Variants in GAN observed in about 807,000 individuals in gnomAD.
GAN encodes the protein gigaxonin.
GAN carries 48 observed loss-of-function variants against 71.3 expected under a neutral mutation model. The ratio of observed to expected loss-of-function variants is 0.67; its 90% CI spans 0.53 to 0.86. The LOEUF (loss-of-function observed/expected upper bound fraction) is 0.86. Among genes scored for constraint, GAN ranks in the 40% least tolerant of loss-of-function variants. GAN has a pLI of 0.00. For synonymous variants in GAN, 386 were observed against 276.8 expected (o/e 1.39, Z -3.92); for missense variants, 928 against 770.1 (o/e 1.21, Z -2.43).
rs1409156764 is a variant in GAN, at chr16:81,389,295, C to T, written c.*11699C>T. 6.6e-6 allele frequency: 1 copy of T among 152,116 alleles called. No individual in the cohort carries two copies. Among genetic ancestry groups the T allele is most frequent in the Non-Finnish European group, 1.5e-5 (1 of 68,016 alleles). 9.4% of individuals were successfully genotyped at this position (152,116 alleles called of 1,614,324 possible). A position where few individuals can be genotyped will look rare whatever the true frequency, so the allele number is the denominator to read the frequency against. On this transcript the variant is annotated 3_prime_UTR_variant, in exon 11 of 11. Coordinates refer to ENST00000648994, the MANE Select transcript of GAN (RefSeq NM_022041.4). ...TGTGTTTGGTTCCTCGGTCTTGTAC[C>T]CCTTCAGTTCGCCGGCGACGTAATG...
chr16:81,372,136 G>A (rs1327457470), intron 9 of GAN: 1 of 152,086 alleles, frequency 6.6e-6, no homozygotes, highest in East Asian at 1.9e-4. Context: ...TGTAATCCAT[G>A]CTGTATTTTA....
At chr16:81,376,546 T>C (rs116275460) in intron 9 of GAN, among the ~76,000 whole-genome samples, 7,849 of 149,518 alleles carry the variant, frequency 0.052, 417 homozygotes, top group African/African-American at 0.13. Flanking sequence ...TATATGTATA[T>C]ACACACATAT....
chr16:81,346,487 T>C (rs533764629), intron 1 of GAN, among the ~76,000 whole-genome samples: 1 of 152,280 alleles, frequency 6.6e-6, no homozygotes, highest in East Asian at 1.9e-4. Context: ...AGATCAGTGG[T>C]GGCATTAGAT....
At chr16:81,335,822 T>A (rs1461751161) in intron 1 of GAN, among the ~76,000 whole-genome samples, 1 of 150,316 alleles carries the variant, frequency 6.7e-6, no homozygotes, top group Non-Finnish European at 1.5e-5. Flanking sequence ...GTTTTTTTGG[T>A]GAGTAAAAAC....
intron 1 of GAN, among the ~76,000 whole-genome samples, chr16:81,349,537 G>C (rs1348799095): frequency 6.6e-6 from 1 of 152,112 alleles, no homozygotes; most frequent in Non-Finnish European, 1.5e-5. Flanking sequence ...CCGGCTACTT[G>C]GGGGGCTGAG....
At chr16:81,337,600 C>T (rs376403185) in intron 1 of GAN, among the ~76,000 whole-genome samples, 1 of 152,178 alleles carries the variant, frequency 6.6e-6, no homozygotes, top group Non-Finnish European at 1.5e-5. Flanking sequence ...GGGGACTATA[C>T]GTACCCAGTG....
chr16:81,322,128 G>C (rs1317628360), intron 1 of GAN, among the ~76,000 whole-genome samples: 3 of 152,126 alleles, frequency 2.0e-5, no homozygotes, highest in Non-Finnish European at 4.4e-5. Flanking sequence ...TTTCTCTCTG[G>C]GAATGTGAAT....
Position 81,363,890 on chromosome 16 carries a change from G to A in GAN, c.1183G>A (p.Asp395Asn), listed in dbSNP as rs142456623. The change falls in exon 7 of 11, where the codon GAT becomes AAT. Residue 395 changes from aspartate (D) to asparagine (N), a missense_variant. Asp to Asn is a conservative substitution (Grantham distance 23, BLOSUM62 1). Coordinates refer to ENST00000648994, the MANE Select transcript of GAN (RefSeq NM_022041.4). ...GGAGCTGATTTCCATGGAGTGTTAC[G>A]ATATTTATTCTAAAACCTGGACAAA... ...EKELISMECY[D>N]IYSKTWTKQP... The A allele has an allele frequency of 1.4e-5, 23 of 1,612,670 alleles. No homozygotes were observed. The African/African-American group carries it at 2.9e-4, about 21-fold the overall frequency.
At chr16:81,367,961 C>G (rs757528237) in intron 9 of GAN, among the ~76,000 whole-genome samples, 7 of 152,144 alleles carry the variant, frequency 4.6e-5, no homozygotes, top group Non-Finnish European at 8.8e-5. Context: ...AGATCAGACG[C>G]AAATGTGTTA....
Position 81,377,289 on chromosome 16 carries a change from A to T in GAN, c.1573A>T (p.Ile525Leu), listed in dbSNP as rs760392457. The change falls in exon 10 of 11, where the codon ATA becomes TTA. Residue 525 changes from isoleucine to leucine, a missense_variant. By Grantham distance (5) the Ile-to-Leu change is conservative. Transcript: ENST00000648994. ...SSSFVYGAVPIGASIYVIGDL... is the reference protein window; with the variant it reads ...SSSFVYGAVPLGASIYVIGDL... The stretch of plus-strand genomic sequence containing the variant: ...CTCTTTTGTTTATGGAGCTGTACCT[A>T]TAGGAGCCAGTATTTATGTTATTGG... 2 of 1,610,142 alleles carry T rather than the reference A, an allele frequency of 1.2e-6. No homozygotes were observed. The highest frequency in any genetic ancestry group is 1.7e-5 in the Admixed American group (1 of 60,014).
At position 81,379,613 on chromosome 16, in the gene GAN, A is replaced by G. The variant is rs1427488520; in HGVS notation, c.*2017A>G. 2 of 152,200 alleles carry G rather than the reference A, an allele frequency of 1.3e-5. No homozygotes were observed. Among genetic ancestry groups the G allele is most frequent in the African/African-American group, 2.4e-5 (1 of 41,460 alleles). The allele number at this position is 152,200 out of a possible 1,614,324, so 9.4% of individuals were successfully genotyped here. A position where few individuals can be genotyped will look rare whatever the true frequency, so the allele number is the denominator to read the frequency against. ...GGAAGATTTTTCTTTTTACAACTAG[A>G]TATTAGTTTTAGAGGAAGGAAATAG... On this transcript the variant is annotated 3_prime_UTR_variant, in exon 11 of 11. Coordinates refer to ENST00000648994, the MANE Select transcript of GAN (RefSeq NM_022041.4).
chr16:81,351,135 G>A (rs539896077), intron 1 of GAN, among the ~76,000 whole-genome samples: 1 of 152,350 alleles, frequency 6.6e-6, no homozygotes, highest in South Asian at 2.1e-4. Flanking sequence ...ACTTCAGATG[G>A]TGGAAGCAGA....
At position 81,381,093 on chromosome 16, in the gene GAN, T is replaced by C. The variant is rs1904302520; in HGVS notation, c.*3497T>C. The C allele has an allele frequency of 1.3e-5, 2 of 152,208 alleles. No homozygotes were observed. Among genetic ancestry groups the C allele is most frequent in the African/African-American group, 2.4e-5 (1 of 41,446 alleles). The allele number at this position is 152,208 out of a possible 1,614,324, so 9.4% of individuals were successfully genotyped here. A position where few individuals can be genotyped will look rare whatever the true frequency, so the allele number is the denominator to read the frequency against. On this transcript the variant is annotated 3_prime_UTR_variant, in exon 11 of 11. Transcript: ENST00000648994. ...TGAGTTGGGGGGATTCCCTAGTCAA[T>C]GCATAGGAAATACATTCTTTGTACA...
chr16:81,348,748 G>GTCT (rs1910204056), intron 1 of GAN, among the ~76,000 whole-genome samples: 1 of 152,224 alleles, frequency 6.6e-6, no homozygotes, highest in Admixed American at 6.5e-5. Flanking sequence ...GTTGAACACA[G>GTCT]GTTTTGCTGT....
At chr16:81,375,701 C>T (rs1904277783) in intron 9 of GAN, among the ~76,000 whole-genome samples, 1 of 151,870 alleles carries the variant, frequency 6.6e-6, no homozygotes, top group African/African-American at 2.4e-5. Context: ...TATGGTGGCT[C>T]ACACCTGCAA....
intron 2 of GAN, among the ~76,000 whole-genome samples, chr16:81,353,953 C>T (rs144536540): frequency 4.6e-5 from 7 of 152,296 alleles, no homozygotes; most frequent in South Asian, 2.1e-4. Flanking sequence ...GGTTAGCATT[C>T]AGGTTGGCAT....
intron 1 of GAN, among the ~76,000 whole-genome samples, chr16:81,329,585 A>T (rs539374814): frequency 6.6e-6 from 1 of 152,276 alleles, no homozygotes; most frequent in Non-Finnish European, 1.5e-5. Context: ...AAAAAATTGC[A>T]GTGTATAATT....
intron 5 of GAN, among the ~76,000 whole-genome samples, chr16:81,359,631 G>C (rs1910606398): frequency 6.6e-6 from 1 of 151,976 alleles, no homozygotes; most frequent in African/African-American, 2.4e-5. Context: ...TACTCTTACA[G>C]TTTTAAAATG....
At chr16:81,323,612 C>T (rs1482359407) in intron 1 of GAN, among the ~76,000 whole-genome samples, 1 of 152,176 alleles carries the variant, frequency 6.6e-6, no homozygotes, top group Admixed American at 6.5e-5. Context: ...ATATATTTCA[C>T]AGTAAAGGGA....
Sources: allele counts gnomAD v4.1 joint callset (sites outside exome capture counted in the v4.1 genomes callset), GRCh38; gene constraint gnomAD v4.1.1; transcripts MANE v1.5; gene names NCBI Gene and HGNC (gene_info 2026-07-23, HGNC 2026-07-21).